Variants in CEL observed in about 807,000 individuals in gnomAD.
CEL encodes the protein carboxyl ester lipase, also known as bile salt-activated lipase.
A neutral mutation model predicts 57.1 loss-of-function variants in CEL; 39 were observed. The observed-to-expected ratio is 0.68, with a 90% CI of 0.53 to 0.89. The LOEUF is 0.89. Ranked by LOEUF, CEL falls within the 40% of genes least tolerant of loss-of-function variation. The pLI is 0.00. For synonymous variants in CEL, 314 were observed against 396.6 expected, an observed-to-expected ratio of 0.79 and a Z score of 2.48; for missense variants, 698 against 915.0, an observed-to-expected ratio of 0.76 and a Z score of 3.06.
In CEL at chr9:133,066,651, C is replaced by G. The variant is rs766886891; in HGVS notation, c.660C>G (p.Val220=). The G allele has an allele frequency of 6.2e-6, 10 of 1,613,516 alleles. No individual in the cohort carries two copies. The highest frequency in any genetic ancestry group is 1.1e-5 in the South Asian group (1 of 91,086). The part of the protein sequence containing the change: ...LFGESAGGAS[V]SLQTLSPYNK... Reference sequence around the variant, plus strand: ...GGGAGTCTGCTGGAGGTGCCAGCGTCTCTCTGCAGGTCTCGGGATCCCTGT... The same window carrying G: ...GGGAGTCTGCTGGAGGTGCCAGCGTGTCTCTGCAGGTCTCGGGATCCCTGT... Residue 220 remains valine (V), a synonymous_variant, in exon 5 of 11, where the codon GTC becomes GTG. Coordinates refer to ENST00000372080, the MANE Select transcript of CEL (RefSeq NM_001807.6). This position sits in a 1 kb window ranked among gnomAD's most constrained non-coding sequence, Gnocchi z 4.3.
chr9:133,067,028 A>G (rs1157855561), intron 6 of CEL, 60 bp from the exon 7 acceptor site: 3 of 1,608,518 alleles, frequency 1.9e-6, no homozygotes, highest in East Asian at 2.2e-5. Flanking sequence ...CTTGCCTTCA[A>G]ATGGTTCTGA....
rs529620547 is a variant in CEL at position 133,071,250 on chromosome 9, C to T, written c.1748C>T (p.Pro583Leu). 22 of 1,573,116 alleles carry T rather than the reference C, an allele frequency of 1.4e-5. No homozygotes were observed. The highest frequency in any genetic ancestry group is 4.1e-5 in the African/African-American group (3 of 73,214). The part of the protein sequence containing the change: ...PTGDSETAPV[P>L]PTGDSGAPPV... ...GGTGACTCCGAGACCGCCCCCGTGCCGCCCACGGGTGACTCCGGGGCCCCC... is the reference window on the plus strand; with the variant it reads ...GGTGACTCCGAGACCGCCCCCGTGCTGCCCACGGGTGACTCCGGGGCCCCC... The change falls in exon 11 of 11, where the codon CCG becomes CTG. Residue 583 changes from proline (P) to leucine (L), a missense_variant. By Grantham distance (98) the Pro-to-Leu change is moderately conservative. Transcript: ENST00000372080.
At chr9:133,064,600 G>C in intron 2 of CEL, 40 bp from the exon 3 acceptor site, 1 of 1,613,814 alleles carries the variant, frequency 6.2e-7, no homozygotes, top group Non-Finnish European at 8.5e-7. Context: ...GGGCGGGTGA[G>C]GGCGGCTGCC....
At chr9:133,065,293 G>T in intron 4 of CEL, 56 bp downstream of exon 4, 1 of 1,592,052 alleles carries the variant, frequency 6.3e-7, no homozygotes, top group Non-Finnish European at 8.6e-7. Context: ...AGCCCAGCAG[G>T]GAGATTTTCC....
chr9:133,065,845 T>C (rs1830169255), intron 4 of CEL, among the ~76,000 whole-genome samples: 2 of 59,900 alleles, frequency 3.3e-5, no homozygotes, highest in African/African-American at 6.3e-5. Flanking sequence ...AAACTCTGTC[T>C]CAAAAAAAAA....
chr9:133,070,587 G>A lies in CEL; in HGVS notation c.1413G>A (p.Thr471=), dbSNP rs779571761. 4.3e-6 allele frequency: 7 copies of A among 1,614,142 alleles called. No homozygotes were observed. The highest frequency in any genetic ancestry group is 1.7e-5 in the Admixed American group (1 of 60,026). Residue 471 remains threonine (T), a synonymous_variant, in exon 10 of 11, where the codon ACG becomes ACA. Coordinates refer to ENST00000372080, the MANE Select transcript of CEL (RefSeq NM_001807.6). ...TCGGGAAGCCCTTCGCCACCCCCAC[G>A]GGCTACCGGCCCCAAGACAGGACAG... ...YVFGKPFATP[T]GYRPQDRTVS... is the part of the protein sequence containing the mutation.
intron 3 of CEL, 68 bp from the exon 4 acceptor site, chr9:133,064,972 G>GCCCCA (rs1830151916): frequency 1.3e-6 from 2 of 1,598,192 alleles, no homozygotes; most frequent in East Asian, 4.5e-5. Flanking sequence ...GCTGCACAGG[G>GCCCCA]ACAGGGGACC....
intron 1 of CEL, 32 bp from the exon 2 acceptor site, chr9:133,064,372 C>T (rs762055225): frequency 1.2e-6 from 2 of 1,611,572 alleles, no homozygotes; most frequent in Non-Finnish European, 1.7e-6. Flanking sequence ...GGGGCTTGAG[C>T]CCCCCTGACC....
intron 7 of CEL, among the ~76,000 whole-genome samples, chr9:133,068,110 G>A (rs1319346394): frequency 6.6e-6 from 1 of 152,328 alleles, no homozygotes; most frequent in Middle Eastern, 3.4e-3. Context: ...CCACGGCCCC[G>A]CTAGAAGCAA....
chr9:133,064,826 G>C, intron 3 of CEL, 64 bp downstream of exon 3: 2 of 1,610,328 alleles, frequency 1.2e-6, no homozygotes, highest in South Asian at 2.2e-5. Context: ...GTCTACTCCT[G>C]GCTTGAGTCT....
chr9:133,063,776 C>T (rs918693014), intron 1 of CEL, among the ~76,000 whole-genome samples: 7 of 151,696 alleles, frequency 4.6e-5, no homozygotes, highest in East Asian at 1.9e-4. Context: ...CACAGGGAAG[C>T]GTGGCGGGGG....
chr9:133,070,414 G>A (rs749076453), intron 9 of CEL, 47 bp from the exon 10 acceptor site: 8 of 1,531,380 alleles, frequency 5.2e-6, no homozygotes, highest in East Asian at 2.3e-5. Context: ...TGGGCTGATC[G>A]GTCCCCAGTG....
rs563542937 is a variant in CEL at position 133,068,613 on chromosome 9, C to T, written c.896-59C>T. The T allele has an allele frequency of 2.4e-5, 38 of 1,612,016 alleles. No individual in the cohort carries two copies. The East Asian group carries it at 2.7e-4, about 11-fold the overall frequency. On this transcript the variant is annotated intron_variant, in intron 7 of 10. Transcript: ENST00000372080. ...AATTCCAGCCCTGAGAGGCAAGGGG[C>T]GGCTCAGGGGAAACTGGGAGGTACA...
In CEL at chr9:133,071,304, C is replaced by G. The variant is rs745472616; in HGVS notation, c.1802C>G (p.Ala601Gly). The change falls in exon 11 of 11, where the codon GCC (alanine) becomes GGC (glycine). Residue 601 changes from alanine to glycine, a missense_variant. Coordinates refer to ENST00000372080, the MANE Select transcript of CEL (RefSeq NM_001807.6). The part of the protein sequence containing the change: ...PPVPPTGDSG[A>G]PPVPPTGDSG... ...GTGCCGCCCACGGGTGACTCCGGGG[C>G]CCCCCCCGTGCCGCCCACGGGTGAC... 1 of 522,660 alleles carries G rather than the reference C, an allele frequency of 1.9e-6. No homozygotes were observed. 32.4% of individuals were successfully genotyped at this position (522,660 alleles called of 1,614,324 possible). A position where few individuals can be genotyped will look rare whatever the true frequency, so the allele number is the denominator to read the frequency against.
intron 1 of CEL, 134 bp from the exon 2 acceptor site, chr9:133,064,270 G>A: frequency 1.7e-6 from 2 of 1,174,476 alleles, no homozygotes; most frequent in East Asian, 2.5e-5. Flanking sequence ...TGCTGCCTGG[G>A]TCTCCTGTGC....
rs577600034 is a variant in CEL, at chr9:133,070,020, G to A, written c.1287-441G>A. ...AAAATAAAAAATAAGTTAGGAATAC[G>A]AAAAAGATAGGAAGATAAAAGTATA... On this transcript the variant is annotated intron_variant, in intron 9 of 10. Coordinates refer to ENST00000372080, the MANE Select transcript of CEL (RefSeq NM_001807.6). 1.6e-3 allele frequency among the ~76,000 whole-genome samples: 239 copies of A among 152,056 alleles called. 3 individuals carry two copies. Among genetic ancestry groups the A allele is most frequent in the Middle Eastern group, 3.4e-3 (1 of 294 alleles).
At chr9:133,070,691 C>T (rs1292489288) in intron 10 of CEL, 33 bp downstream of exon 10, 5 of 1,613,644 alleles carry the variant, frequency 3.1e-6, no homozygotes, top group Non-Finnish European at 4.2e-6. Context: ...GGCGGAGGGC[C>T]ACAGCCGAGA....
rs1240807376 is a variant in CEL at position 133,064,562 on chromosome 9, T to G, written c.217+8T>G. ...CACATCCTGGCTGGCAAGGTGGGAG[T>G]GGGTGGTGCCGGACTGGCCCTGCGG... On this transcript the variant is annotated splice_region_variant and intron_variant, in intron 2 of 10. Coordinates refer to ENST00000372080, the MANE Select transcript of CEL (RefSeq NM_001807.6). 8 of 1,613,736 alleles carry G rather than the reference T, an allele frequency of 5.0e-6. No homozygotes were observed. The highest frequency in any genetic ancestry group is 6.8e-6 in the Non-Finnish European group (8 of 1,179,926).
intron 10 of CEL, 38 bp from the exon 11 acceptor site, chr9:133,070,949 A>C: frequency 2.5e-6 from 4 of 1,609,076 alleles, no homozygotes; most frequent in Non-Finnish European, 2.5e-6. Flanking sequence ...GCCCCCTGGG[A>C]GTCCCCAGCC....
Sources: gnomAD v4.1 joint callset for allele counts (sites outside exome capture counted in the v4.1 genomes callset) on GRCh38, gnomAD v4.1.1 for gene constraint, Gnocchi (gnomAD v3.1) non-coding constraint, MANE v1.5 for transcripts, NCBI Gene and HGNC (gene_info 2026-07-23, HGNC 2026-07-21) for gene names.